Variants in NFIB observed in about 807,000 individuals in gnomAD.
NFIB encodes nuclear factor 1 B-type.
A neutral mutation model predicts 61.5 loss-of-function variants in NFIB; 11 were observed. The observed-to-expected ratio is 0.18, with a 90% CI of 0.11 to 0.30. The LOEUF (loss-of-function observed/expected upper bound fraction) is 0.30, where lower values mean the gene tolerates loss of function less well. NFIB is among the 10% of genes least tolerant of loss of function. NFIB has a pLI of 1.00. For synonymous variants in NFIB, 260 were observed against 216.5 expected (o/e 1.20, Z -1.76); for missense variants, 471 against 608.9 (o/e 0.77, Z 2.38).
intron 6 of NFIB, among the ~76,000 whole-genome samples, chr9:14,143,991 A>AGTGTGTGTGTGTGTGTGT (rs141101627): frequency 0.027 from 3,588 of 134,126 alleles, 105 homozygotes; most frequent in Admixed American, 0.067. Context: ...AAAGTGACAG[A>AGTGTGTGTGTGTGTGTGT]GTGTGTGTGT....
chr9:14,513,799 C>A, the NFIB span, among the ~76,000 whole-genome samples: 1 of 152,072 alleles, frequency 6.6e-6, no homozygotes, highest in Non-Finnish European at 1.5e-5. Flanking sequence ...TGACCTTAAG[C>A]AAGTTACTTC....
At chr9:14,329,206 A>T (rs1431138985) in intron 1 of NFIB, among the ~76,000 whole-genome samples, 1 of 152,210 alleles carries the variant, frequency 6.6e-6, no homozygotes, top group Non-Finnish European at 1.5e-5. Flanking sequence ...TGACTTACTT[A>T]TGGCTGCTAA....
intron 2 of NFIB, among the ~76,000 whole-genome samples, chr9:14,217,686 C>T (rs946013976): frequency 1.8e-4 from 20 of 109,088 alleles, no homozygotes; most frequent in Non-Finnish European, 2.0e-5. Flanking sequence ...AAAAAAGACA[C>T]AAACTAAGCA....
intron 2 of NFIB, among the ~76,000 whole-genome samples, chr9:14,291,268 C>T (rs1251008708): frequency 1.3e-5 from 2 of 151,938 alleles, no homozygotes; most frequent in African/African-American, 2.4e-5. Context: ...GTGGATCACT[C>T]GAGGTCAGGT....
the NFIB span, among the ~76,000 whole-genome samples, chr9:14,472,442 T>C: frequency 6.6e-6 from 1 of 152,222 alleles, no homozygotes; most frequent in African/African-American, 2.4e-5. Flanking sequence ...TACAGTGATT[T>C]TATGTCTGTT....
rs1250245239 is a variant in NFIB at position 14,083,632 on chromosome 9, AG to A, written c.*4676del. The A allele has an allele frequency of 1.8e-5, 4 of 228,374 alleles. No individual in the cohort carries two copies. The highest frequency in any genetic ancestry group is 8.9e-5 in the African/African-American group (4 of 45,126). 14.1% of individuals were successfully genotyped at this position (228,374 alleles called of 1,614,324 possible). On this transcript the variant is annotated 3_prime_UTR_variant, in exon 11 of 11. Coordinates refer to ENST00000380953, the MANE Select transcript of NFIB (RefSeq NM_001190737.2). Reference sequence around the variant, plus strand: ...GGGGCCTATCTGCCAGCAATATTGTAGAGTTGTTTCATTAAAAATGAATACT... The same window carrying A: ...GGGGCCTATCTGCCAGCAATATTGTAAGTTGTTTCATTAAAAATGAATACT...
chr9:14,246,606 GC>G (rs2054960204), intron 2 of NFIB, among the ~76,000 whole-genome samples: 1 of 152,150 alleles, frequency 6.6e-6, no homozygotes, highest in Non-Finnish European at 1.5e-5. Flanking sequence ...TTTTTGAAGA[GC>G]TTTTGCTGTA....
the NFIB span, among the ~76,000 whole-genome samples, chr9:14,531,352 T>C: frequency 6.6e-6 from 1 of 152,152 alleles, no homozygotes. Flanking sequence ...ATGAACTGAA[T>C]ATGCATATCC....
intron 8 of NFIB, among the ~76,000 whole-genome samples, chr9:14,119,828 G>C (rs1325724991): frequency 6.6e-6 from 1 of 152,142 alleles, no homozygotes. Flanking sequence ...GTCTAGGGGA[G>C]TGAGAAATGC....
the NFIB span, among the ~76,000 whole-genome samples, chr9:14,425,963 G>A: frequency 6.6e-6 from 1 of 152,116 alleles, no homozygotes; most frequent in African/African-American, 2.4e-5. Context: ...TGGAGAGTTT[G>A]ATGACAGCTA....
chr9:14,282,872 G>A (rs1235842349), intron 2 of NFIB, among the ~76,000 whole-genome samples: 3 of 152,306 alleles, frequency 2.0e-5, no homozygotes, highest in Admixed American at 2.0e-4. Context: ...CTTCGGTCAT[G>A]ACTGGCTCTC....
chr9:14,382,621 T>C (rs7036554), intron 1 of NFIB, among the ~76,000 whole-genome samples: 66,428 of 151,672 alleles, frequency 0.44, 15,250 homozygotes, highest in South Asian at 0.57. Flanking sequence ...GTAAAAATCC[T>C]CAATAAGCTC....
At chr9:14,170,514 T>C (rs2045452163) in intron 3 of NFIB, among the ~76,000 whole-genome samples, 1 of 152,168 alleles carries the variant, frequency 6.6e-6, no homozygotes, top group African/African-American at 2.4e-5. Flanking sequence ...TGGTGGCACA[T>C]GCCTGTTGTC....
chr9:14,378,205 A>G (rs865836934), intron 1 of NFIB, among the ~76,000 whole-genome samples: 1 of 152,240 alleles, frequency 6.6e-6, no homozygotes, highest in Non-Finnish European at 1.5e-5. Context: ...ATGGTATTAT[A>G]AACATTTCAT....
chr9:14,348,195 C>A (rs964776524), intron 1 of NFIB, among the ~76,000 whole-genome samples: 13 of 152,216 alleles, frequency 8.5e-5, no homozygotes, highest in African/African-American at 2.9e-4. Context: ...CCTTACTGTG[C>A]GCCAGGGGAA....
chr9:14,451,875 A>AC, the NFIB span, among the ~76,000 whole-genome samples: 2 of 146,510 alleles, frequency 1.4e-5, no homozygotes, highest in Non-Finnish European at 3.0e-5. Context: ...GCATGACCTT[A>AC]TTTTTTTTTT....
chr9:14,389,557 C>T (rs993682074), intron 1 of NFIB, among the ~76,000 whole-genome samples: 1 of 152,084 alleles, frequency 6.6e-6, no homozygotes, highest in African/African-American at 2.4e-5. Context: ...GTAACTTGGA[C>T]CAGAATTTTG....
intron 6 of NFIB, among the ~76,000 whole-genome samples, chr9:14,129,505 T>A (rs2040141575): frequency 6.6e-6 from 1 of 152,200 alleles, no homozygotes; most frequent in Admixed American, 6.5e-5. Context: ...TATTACATTT[T>A]AATCATGAAC....
intron 2 of NFIB, among the ~76,000 whole-genome samples, chr9:14,295,598 T>C (rs559714712): frequency 7.2e-5 from 11 of 151,982 alleles, no homozygotes; most frequent in Admixed American, 4.6e-4. Flanking sequence ...GCCACTGCAC[T>C]CCAGCCTGGG....
Sources: allele counts gnomAD v4.1 joint callset (sites outside exome capture counted in the v4.1 genomes callset), GRCh38; gene constraint gnomAD v4.1.1; transcripts MANE v1.5; gene names NCBI Gene and HGNC (gene_info 2026-07-23, HGNC 2026-07-21).